Variants in EML5 observed in about 807,000 individuals in gnomAD.
EML5 encodes the protein EMAP like 5, also known as echinoderm microtubule-associated protein-like 5.
In EML5, 120 loss-of-function variants were observed where a neutral mutation model predicts 250.0. The ratio of observed to expected loss-of-function variants is 0.48; its 90% CI spans 0.41 to 0.56. The LOEUF (loss-of-function observed/expected upper bound fraction) is 0.56, where lower values mean the gene tolerates loss of function less well. EML5 is among the 20% of genes least tolerant of loss of function. The probability of loss-of-function intolerance (pLI) is 0.00; values close to 1 mark genes in which losing one functional copy is unlikely to be tolerated. For missense variants in EML5, 2,006 were observed against 2,437.6 expected (o/e 0.82, Z 3.73); for synonymous variants, 771 against 806.5 (o/e 0.96, Z 0.75).
In EML5 at chr14:88,620,957, A is replaced by G; in HGVS notation, c.5203-31T>C. Reference sequence around the variant, plus strand: ...TTTAAAAAAAAAAAAAAAAAGAGTCATAGGAAACATTAAGTGAAGTACTTC... The same window carrying G: ...TTTAAAAAAAAAAAAAAAAAGAGTCGTAGGAAACATTAAGTGAAGTACTTC... On this transcript the variant is annotated intron_variant, in intron 38 of 43. Transcript: ENST00000554922. The surrounding 1 kb of genome is among the most constrained non-coding windows in gnomAD (Gnocchi z 4.3). 1 of 1,470,188 alleles carries G rather than the reference A, an allele frequency of 6.8e-7. No individual in the cohort carries two copies. The highest frequency in any genetic ancestry group is 2.5e-5 in the East Asian group (1 of 40,312). 91.1% of individuals were successfully genotyped at this position (1,470,188 alleles called of 1,614,324 possible).
chr14:88,651,673 A>C (rs913605592), intron 27 of EML5, among the ~76,000 whole-genome samples: 1 of 151,982 alleles, frequency 6.6e-6, no homozygotes, highest in African/African-American at 2.4e-5. Context: ...AGTCATATTA[A>C]ACACTACACT....
At chr14:88,638,228 T>A (rs912210122) in intron 32 of EML5, among the ~76,000 whole-genome samples, 1 of 152,212 alleles carries the variant, frequency 6.6e-6, no homozygotes, top group Non-Finnish European at 1.5e-5. Flanking sequence ...CTCATCAGTT[T>A]GGCTGTAGAG....
chr14:88,646,986 A>G (rs753249940), intron 28 of EML5, 31 bp from the exon 29 acceptor site: 1 of 1,586,554 alleles, frequency 6.3e-7, no homozygotes, highest in South Asian at 1.1e-5. Flanking sequence ...AGGGAAAAAG[A>G]TTACAACATA....
rs1401762452 is a variant in EML5, at chr14:88,726,414, GGAAGA to G, written c.1187+122_1187+126del. 4.6e-4 allele frequency: 263 copies of G among 569,078 alleles called. 1 individual carries two copies. Among genetic ancestry groups the G allele is most frequent in the Non-Finnish European group, 5.8e-4 (218 of 373,282 alleles). 35.3% of individuals were successfully genotyped at this position (569,078 alleles called of 1,614,324 possible). A position where few individuals can be genotyped will look rare whatever the true frequency, so the allele number is the denominator to read the frequency against. On this transcript the variant is annotated intron_variant, in intron 8 of 43. Transcript: ENST00000554922. ...CATCTGAAATATATTAATAAGAAGG[GGAAGA>G]GAAAAGGATAAATAGGTAAAAACAA...
In EML5 at chr14:88,706,318, AAGAC is replaced by A. The variant is rs919946933; in HGVS notation, c.1762_1765del (p.Val588PhefsTer11). 3.7e-6 allele frequency: 6 copies of A among 1,609,924 alleles called. No homozygotes were observed. Among genetic ancestry groups the A allele is most frequent in the Non-Finnish European group, 4.2e-6 (5 of 1,178,212 alleles). The stretch of plus-strand genomic sequence containing the variant: ...TCTTTCAGGAATAAATTTCCACTGA[AAGAC>A]AGAGTGATCTGCTCCACCAATAGAA... On this transcript the variant is annotated frameshift_variant, in exon 11 of 44. Coordinates refer to ENST00000554922, the MANE Select transcript of EML5 (RefSeq NM_183387.3). LOFTEE classifies it high-confidence loss of function.
chr14:88,728,788 C>A (rs4904464), intron 7 of EML5, among the ~76,000 whole-genome samples: 26,638 of 151,856 alleles, frequency 0.18, 2,877 homozygotes, highest in East Asian at 0.47. Context: ...ACTTGAACAT[C>A]CACAGATTAT....
chr14:88,661,464 A>C (rs968285979), intron 25 of EML5, among the ~76,000 whole-genome samples, 190 bp downstream of exon 25: 1 of 152,208 alleles, frequency 6.6e-6, no homozygotes, highest in Non-Finnish European at 1.5e-5. Flanking sequence ...TATGATATAT[A>C]ACTTAATGTA....
chr14:88,783,447 A>T (rs924746103), intron 1 of EML5, among the ~76,000 whole-genome samples: 1 of 152,242 alleles, frequency 6.6e-6, no homozygotes, highest in African/African-American at 2.4e-5. Flanking sequence ...CTATAAATAC[A>T]CACACGGACT....
At chr14:88,640,950 A>C (rs1045612176) in intron 31 of EML5, among the ~76,000 whole-genome samples, 3 of 152,106 alleles carry the variant, frequency 2.0e-5, no homozygotes, top group African/African-American at 7.2e-5. Context: ...AAACTAGAAG[A>C]TCTAGAGGCT....
At chr14:88,746,160 A>G (rs1370849819) in intron 3 of EML5, 25 bp downstream of exon 3, 1 of 1,571,628 alleles carries the variant, frequency 6.4e-7, no homozygotes, top group Non-Finnish European at 8.7e-7. Flanking sequence ...AGTACTCATT[A>G]GAAATCTCAA....
intron 8 of EML5, among the ~76,000 whole-genome samples, chr14:88,720,382 T>G (rs2140000562): frequency 6.6e-6 from 1 of 152,182 alleles, no homozygotes; most frequent in South Asian, 2.1e-4. Flanking sequence ...AAATCCTCAG[T>G]AAAATACTGG....
intron 17 of EML5, among the ~76,000 whole-genome samples, chr14:88,691,897 C>T (rs1331305426): frequency 6.6e-6 from 1 of 152,168 alleles, no homozygotes; most frequent in East Asian, 1.9e-4. Flanking sequence ...TCTAATCAAA[C>T]TTAAGAAAGA....
intron 1 of EML5, among the ~76,000 whole-genome samples, chr14:88,791,747 G>C (rs1362244887): frequency 6.6e-6 from 1 of 152,204 alleles, no homozygotes; most frequent in Admixed American, 6.5e-5. Flanking sequence ...TTAACATCCA[G>C]TGAATTGCCT....
At chr14:88,691,717 A>C (rs904078469) in intron 17 of EML5, among the ~76,000 whole-genome samples, 6 of 152,176 alleles carry the variant, frequency 3.9e-5, no homozygotes, top group African/African-American at 1.4e-4. Flanking sequence ...GTTTACCTAA[A>C]ACTATGCATT....
chr14:88,709,414 A>T (rs1489514717), intron 10 of EML5, among the ~76,000 whole-genome samples: 1 of 149,680 alleles, frequency 6.7e-6, no homozygotes, highest in African/African-American at 2.6e-5. Flanking sequence ...AATAAAAGAA[A>T]TAACCCAACA....
intron 32 of EML5, among the ~76,000 whole-genome samples, chr14:88,637,593 G>A (rs1473747014): frequency 6.6e-6 from 1 of 152,154 alleles, no homozygotes; most frequent in East Asian, 1.9e-4. Flanking sequence ...CTTTTTGTAA[G>A]TAGCCCATAT....
intron 17 of EML5, among the ~76,000 whole-genome samples, chr14:88,691,977 T>C (rs1356371945): frequency 6.6e-6 from 1 of 152,196 alleles, no homozygotes; most frequent in Non-Finnish European, 1.5e-5. Context: ...TCAAACAAAT[T>C]CATAGTTCTT....
In EML5 at chr14:88,627,013, T is replaced by C; in HGVS notation, c.4565A>G (p.Gln1522Arg). The C allele has an allele frequency of 6.2e-7, 1 of 1,613,906 alleles. No homozygotes were observed. The highest frequency in any genetic ancestry group is 1.1e-5 in the South Asian group (1 of 91,060). ...TCGGAATTCTGCCACAAAAATACGTTGATTGTGACCAGCTCTGCTGGCAAT... is the reference window on the plus strand; with the variant it reads ...TCGGAATTCTGCCACAAAAATACGTCGATTGTGACCAGCTCTGCTGGCAAT... ...AKIASRAGHN[Q>R]RIFVAEFRPD... Residue 1522 changes from glutamine (Q) to arginine (R), a missense_variant, in exon 35 of 44, where the codon CAA (glutamine) becomes CGA (arginine). Physicochemically the swap from Gln to Arg is conservative, Grantham distance 43. Coordinates refer to ENST00000554922, the MANE Select transcript of EML5 (RefSeq NM_183387.3).
chr14:88,622,935 G>T, intron 36 of EML5: 1 of 386,398 alleles, frequency 2.6e-6, no homozygotes, highest in Non-Finnish European at 4.6e-6. Flanking sequence ...TTTATTTTGA[G>T]AAATACTCTT....
Sources: gnomAD v4.1 joint callset for allele counts (sites outside exome capture counted in the v4.1 genomes callset) on GRCh38, gnomAD v4.1.1 for gene constraint, Gnocchi (gnomAD v3.1) non-coding constraint, MANE v1.5 for transcripts, NCBI Gene and HGNC (gene_info 2026-07-23, HGNC 2026-07-21) for gene names.